RXRA: variants seen among roughly 807,000 people sequenced by gnomAD.
RXRA encodes the protein retinoic acid receptor RXR-alpha.
Under a neutral mutation model 44.5 loss-of-function variants are expected in RXRA, and 5 were observed. The observed-to-expected ratio is 0.11, with a 90% CI of 0.06 to 0.24. The LOEUF is 0.24. RXRA is among the 10% of genes least tolerant of loss of function. The pLI, the probability that RXRA is intolerant of heterozygous loss-of-function variation, is 1.00. For synonymous variants in RXRA, 291 were observed against 271.4 expected (o/e 1.07, Z -0.71); for missense variants, 412 against 646.5 (o/e 0.64, Z 3.93).
Position 134,358,306 on chromosome 9 carries a change from AGCAGGCAG to A in RXRA, c.28+31665_28+31672del, listed in dbSNP as rs528438211. Among the ~76,000 whole-genome samples the A allele has an allele frequency of 6.9e-3, 1,050 of 152,264 alleles. 9 individuals are homozygous for A. Among genetic ancestry groups the A allele is most frequent in the African/African-American group, 0.024 (979 of 41,568 alleles). On this transcript the variant is annotated intron_variant, in intron 1 of 9. Transcript: ENST00000481739. ...CCGCCACCATCCACTTTCCTCCGGC[AGCAGGCAG>A]GCAGGCAGGCAGGCAGGAGCCACAG...
rs1325830403 is a variant in RXRA at position 134,407,737 on chromosome 9, C to T, written c.280-412C>T. On this transcript the variant is annotated intron_variant, in intron 2 of 9. Transcript: ENST00000481739. The surrounding 1 kb of genome is among the most constrained non-coding windows in gnomAD (Gnocchi z 4.8). ...CGGCGTCCTCATGTGTGGGTTGGGA[C>T]CCCCCAGAGTGCCTGCCTCATGGAG... Among the ~76,000 whole-genome samples the T allele has an allele frequency of 6.6e-6, 1 of 152,050 alleles. No homozygotes were observed. Among genetic ancestry groups the T allele is most frequent in the African/African-American group, 2.4e-5 (1 of 41,404 alleles).
chr9:134,329,634 C>G (rs1466959214), intron 1 of RXRA, among the ~76,000 whole-genome samples: 1 of 152,116 alleles, frequency 6.6e-6, no homozygotes, highest in African/African-American at 2.4e-5. Flanking sequence ...GTTGAGCCGG[C>G]AGCCCTGGTC....
At chr9:134,423,114 A>G (rs35298322) in intron 6 of RXRA, 1 of 985,324 alleles carries the variant, frequency 1.0e-6, no homozygotes, top group Non-Finnish European at 1.2e-6. Context: ...CTGGTCCCCC[A>G]CCTGGAAAGG....
chr9:134,358,685 G>C (rs1405659033), intron 1 of RXRA, among the ~76,000 whole-genome samples: 16 of 152,170 alleles, frequency 1.1e-4, no homozygotes, highest in Admixed American at 9.2e-4. Flanking sequence ...CCCCTCCCTG[G>C]TCGTCTGCAG....
intron 1 of RXRA, among the ~76,000 whole-genome samples, chr9:134,352,950 C>T (rs1830239634): frequency 6.6e-6 from 1 of 152,138 alleles, no homozygotes; most frequent in South Asian, 2.1e-4. Flanking sequence ...GGACACTTGG[C>T]CCTGCCTTCT....
intron 6 of RXRA, chr9:134,423,091 GC>G: frequency 3.0e-6 from 3 of 985,460 alleles, no homozygotes; most frequent in Non-Finnish European, 2.4e-6. Context: ...GATGGGGCAG[GC>G]CCCCCGCAAA....
At chr9:134,370,686 C>G (rs1830480507) in intron 1 of RXRA, among the ~76,000 whole-genome samples, 1 of 152,252 alleles carries the variant, frequency 6.6e-6, no homozygotes, top group African/African-American at 2.4e-5. Flanking sequence ...TGGCTGGGCC[C>G]TGGGCTGCAG....
chr9:134,401,869 C>A lies in RXRA; in HGVS notation c.266C>A (p.Thr89Asn), dbSNP rs565636631. The A allele has an allele frequency of 6.2e-7, 1 of 1,606,892 alleles. No individual in the cohort carries two copies. Among genetic ancestry groups the A allele is most frequent in the East Asian group, 2.2e-5 (1 of 44,562 alleles). ...ACCACACCCACCCTGGGCTTCAGCACTGGCAGCCCCCAGGTGAGTGCGGGG... is the reference window on the plus strand; with the variant it reads ...ACCACACCCACCCTGGGCTTCAGCAATGGCAGCCCCCAGGTGAGTGCGGGG... ...VPTTPTLGFS[T>N]GSPQLSSPMN... is the part of the protein sequence containing the mutation. Residue 89 changes from threonine to asparagine, a missense_variant, in exon 2 of 10, where the codon ACT (threonine) becomes AAT (asparagine). Thr to Asn is a moderately conservative substitution (Grantham distance 65). Coordinates refer to ENST00000481739, the MANE Select transcript of RXRA (RefSeq NM_002957.6).
intron 1 of RXRA, among the ~76,000 whole-genome samples, chr9:134,388,331 T>TG (rs1269251407): frequency 3.3e-5 from 4 of 121,286 alleles, no homozygotes. Context: ...GCACACGTGT[T>TG]GGGGTCACTA....
intron 2 of RXRA, among the ~76,000 whole-genome samples, chr9:134,406,761 C>T (rs562254449): frequency 1.3e-5 from 2 of 152,380 alleles, no homozygotes; most frequent in Admixed American, 1.3e-4. Context: ...CCCCTGACCT[C>T]CCTGAGCCGC....
At chr9:134,390,244 C>T (rs1265910295) in intron 1 of RXRA, among the ~76,000 whole-genome samples, 1 of 152,116 alleles carries the variant, frequency 6.6e-6, no homozygotes, top group African/African-American at 2.4e-5. Context: ...GCCCGGGTGC[C>T]CCTAGAAGTG....
rs1471916177 is a variant in RXRA at position 134,417,909 on chromosome 9, G to A, written c.780+582G>A. On this transcript the variant is annotated intron_variant, in intron 5 of 9. Transcript: ENST00000481739. The surrounding 1 kb of genome is among the most constrained non-coding windows in gnomAD (Gnocchi z 6.1). ...TCCCACCCCAACAGCCTCAAGGGGA[G>A]GAGGATTGGGTGGGCCGCAGCCCTG... Among the ~76,000 whole-genome samples the A allele has an allele frequency of 1.3e-5, 2 of 152,060 alleles. No individual in the cohort carries two copies. The highest frequency in any genetic ancestry group is 2.9e-5 in the Non-Finnish European group (2 of 67,976).
At chr9:134,392,562 G>A (rs1011045787) in intron 1 of RXRA, among the ~76,000 whole-genome samples, 1 of 152,162 alleles carries the variant, frequency 6.6e-6, no homozygotes, top group African/African-American at 2.4e-5. Context: ...CTCTCCTCTG[G>A]CTTCCTCCTT....
In RXRA at chr9:134,434,221, C is replaced by T. The variant is rs1026026986; in HGVS notation, c.1241+14C>T. On this transcript the variant is annotated intron_variant, in intron 9 of 9. Coordinates refer to ENST00000481739, the MANE Select transcript of RXRA (RefSeq NM_002957.6). ...GCAGCCGGGAAGGTGGGTCCCGCCC[C>T]GTCCCACACACACCCCAGACCCAGG... The T allele has an allele frequency of 2.7e-5, 42 of 1,583,878 alleles. No individual in the cohort carries two copies. The highest frequency in any genetic ancestry group is 3.3e-5 in the Admixed American group (2 of 59,876).
chr9:134,368,444 A>G (rs560479876), intron 1 of RXRA, among the ~76,000 whole-genome samples: 25 of 152,376 alleles, frequency 1.6e-4, no homozygotes, highest in Admixed American at 7.8e-4. Flanking sequence ...TGCGCCCTCC[A>G]GGATGAGAGG....
At chr9:134,381,989 C>T (rs1417611987) in intron 1 of RXRA, among the ~76,000 whole-genome samples, 4 of 152,136 alleles carry the variant, frequency 2.6e-5, no homozygotes, top group Non-Finnish European at 4.4e-5. Context: ...TCAGTGTGCC[C>T]TCCCCACGTC....
chr9:134,408,024 C>T (rs887117222), intron 2 of RXRA, 125 bp from the exon 3 acceptor site: 1 of 713,018 alleles, frequency 1.4e-6, no homozygotes, highest in Non-Finnish European at 2.3e-6. Context: ...GCACGGCCCT[C>T]TCTAGCCTCG....
intron 1 of RXRA, among the ~76,000 whole-genome samples, chr9:134,370,678 G>C (rs1026498362): frequency 6.6e-6 from 1 of 152,342 alleles, no homozygotes; most frequent in African/African-American, 2.4e-5. Flanking sequence ...CCGTGTGCTG[G>C]CTGGGCCCTG....
At chr9:134,432,856 G>C (rs1831554508) in intron 8 of RXRA, among the ~76,000 whole-genome samples, 1 of 152,216 alleles carries the variant, frequency 6.6e-6, no homozygotes. Flanking sequence ...GCAGGGCCTT[G>C]AAAGTCTTGC....
Sources: allele counts gnomAD v4.1 joint callset (sites outside exome capture counted in the v4.1 genomes callset), GRCh38; gene constraint gnomAD v4.1.1; non-coding constraint Gnocchi (gnomAD v3.1); transcripts MANE v1.5; gene names NCBI Gene and HGNC (gene_info 2026-07-23, HGNC 2026-07-21).